SUFU: variants seen among roughly 807,000 people sequenced by gnomAD.
SUFU encodes the protein SUFU negative regulator of hedgehog signaling.
Under a neutral mutation model 58.9 loss-of-function variants are expected in SUFU, and 7 were observed. That is an observed-to-expected ratio of 0.12 (90% CI 0.07 to 0.22). The LOEUF (loss-of-function observed/expected upper bound fraction) is 0.22, where lower values mean the gene tolerates loss of function less well. Among genes scored for constraint, SUFU ranks in the 10% least tolerant of loss-of-function variants. SUFU has a pLI of 1.00. For synonymous variants in SUFU, 232 were observed against 254.8 expected, an observed-to-expected ratio of 0.91 and a Z score of 0.85; for missense variants, 451 against 641.3, an observed-to-expected ratio of 0.70 and a Z score of 3.20.
Position 102,509,098 on chromosome 10 carries a change from T to C in SUFU, c.183-71T>C. ...GGATGGGTCCTTTAGGTTTACAAAG[T>C]AGAGCGCCTTAGCTTGACATTGTCT... is the stretch of plus-strand genomic sequence containing the variant. On this transcript the variant is annotated intron_variant, in intron 1 of 11. Coordinates refer to ENST00000369902, the MANE Select transcript of SUFU (RefSeq NM_016169.4). 4 of 1,605,474 alleles carry C rather than the reference T, an allele frequency of 2.5e-6. No individual in the cohort carries two copies. In the South Asian group the frequency reaches 4.4e-5, roughly 18 times the overall value.
At chr10:102,575,028 C>G (rs1469187354) in intron 3 of SUFU, among the ~76,000 whole-genome samples, 2 of 151,776 alleles carry the variant, frequency 1.3e-5, no homozygotes, top group African/African-American at 4.8e-5. Flanking sequence ...TGCACTCCAG[C>G]CTGGGTGACA....
At chr10:102,592,902 A>T (rs975005497) in intron 4 of SUFU, among the ~76,000 whole-genome samples, 178 bp downstream of exon 4, 3 of 152,116 alleles carry the variant, frequency 2.0e-5, no homozygotes, top group Non-Finnish European at 4.4e-5. Context: ...ACCTGCTGAG[A>T]TGGGAGAGGG....
At chr10:102,517,212 C>T (rs1017359487) in intron 2 of SUFU, among the ~76,000 whole-genome samples, 30 of 151,974 alleles carry the variant, frequency 2.0e-4, no homozygotes, top group Non-Finnish European at 2.1e-4. Flanking sequence ...CGCTTGGACT[C>T]GGGGGCCAGA....
At chr10:102,512,944 C>G (rs1037985780) in intron 2 of SUFU, among the ~76,000 whole-genome samples, 2 of 151,864 alleles carry the variant, frequency 1.3e-5, no homozygotes, top group Non-Finnish European at 2.9e-5. Flanking sequence ...TGGTGTGCAT[C>G]GTAGCCCTAG....
chr10:102,535,470 G>A (rs756372369), intron 2 of SUFU, among the ~76,000 whole-genome samples: 3 of 147,044 alleles, frequency 2.0e-5, no homozygotes, highest in Non-Finnish European at 4.5e-5. Context: ...TGGTGACAGC[G>A]TGAGACTCCG....
chr10:102,565,085 C>T (rs1215671801), intron 3 of SUFU, among the ~76,000 whole-genome samples: 1 of 152,158 alleles, frequency 6.6e-6, no homozygotes, highest in African/African-American at 2.4e-5. Context: ...TCCTGATAAT[C>T]ACCTGTTTTT....
In SUFU at chr10:102,568,874, C is replaced by CAAA. The variant is rs59877393; in HGVS notation, c.454+18790_454+18792dup. Among the ~76,000 whole-genome samples the CAAA allele has an allele frequency of 1.1e-3, 16 of 14,534 alleles. 1 individual carries two copies. The highest frequency in any genetic ancestry group is 1.4e-3 in the African/African-American group (4 of 2,906). The allele number at this position is 14,534 out of a possible 152,430, so 9.5% of individuals were successfully genotyped here. A position where few individuals can be genotyped will look rare whatever the true frequency, so the allele number is the denominator to read the frequency against. ...GGGCGACAAGAGCAAAACTCTGTCTCAAAAAAAAAAAAAAAAAAAAAAAAT... is the reference window on the plus strand; with the variant it reads ...GGGCGACAAGAGCAAAACTCTGTCTCAAAAAAAAAAAAAAAAAAAAAAAAAAAT... On this transcript the variant is annotated intron_variant, in intron 3 of 11. Transcript: ENST00000369902.
intron 8 of SUFU, among the ~76,000 whole-genome samples, chr10:102,607,919 A>G (rs1201200968): frequency 6.6e-6 from 1 of 151,460 alleles, no homozygotes; most frequent in Non-Finnish European, 1.5e-5. Flanking sequence ...TCAAACAAAA[A>G]AAAAAAGAAA....
chr10:102,558,143 C>T (rs1162455199), intron 3 of SUFU, among the ~76,000 whole-genome samples: 3 of 152,178 alleles, frequency 2.0e-5, no homozygotes, highest in Non-Finnish European at 2.9e-5. Context: ...TTCAGGTGAT[C>T]CACCCGCCAT....
chr10:102,581,230 C>CATGG (rs2063276620), intron 3 of SUFU, among the ~76,000 whole-genome samples: 1 of 140,144 alleles, frequency 7.1e-6, no homozygotes, highest in Non-Finnish European at 1.5e-5. Context: ...AGAAATTAGG[C>CATGG]ATGGGTTTTA....
intron 10 of SUFU, among the ~76,000 whole-genome samples, chr10:102,626,703 A>G (rs552398298): frequency 6.6e-6 from 1 of 152,318 alleles, no homozygotes; most frequent in South Asian, 2.1e-4. Context: ...GCACTTCCAG[A>G]TTCCAGATAG....
chr10:102,554,095 AAAAAACAAAAAC>A (rs752497151), intron 3 of SUFU, among the ~76,000 whole-genome samples: 1 of 151,928 alleles, frequency 6.6e-6, no homozygotes, highest in African/African-American at 2.4e-5. Flanking sequence ...ACCCTGTCTC[AAAAAACAAAAAC>A]AAAAACAAAA....
intron 2 of SUFU, among the ~76,000 whole-genome samples, chr10:102,528,320 A>C (rs927704687): frequency 1.3e-5 from 2 of 152,134 alleles, no homozygotes; most frequent in Admixed American, 6.5e-5. Context: ...CTGTAATCCT[A>C]ACACTTTGGG....
At chr10:102,575,065 A>AC (rs35326877) in intron 3 of SUFU, among the ~76,000 whole-genome samples, 14 of 151,928 alleles carry the variant, frequency 9.2e-5, no homozygotes, top group East Asian at 5.8e-4. Context: ...CAAAAAAAAA[A>AC]AAAAATTAGG....
intron 3 of SUFU, among the ~76,000 whole-genome samples, chr10:102,587,645 C>T (rs1461025528): frequency 6.6e-6 from 1 of 152,116 alleles, no homozygotes; most frequent in Non-Finnish European, 1.5e-5. Flanking sequence ...GTGCCCACCA[C>T]TACGCCCGGC....
At position 102,516,649 on chromosome 10, in the gene SUFU, G is replaced by T. The variant is rs533757069; in HGVS notation, c.317+7346G>T. Among the ~76,000 whole-genome samples the T allele has an allele frequency of 3.3e-5, 5 of 152,086 alleles. No individual in the cohort carries two copies. In the South Asian group the frequency reaches 1.0e-3, roughly 32 times the overall value. On this transcript the variant is annotated intron_variant, in intron 2 of 11. Transcript: ENST00000369902. ...TGCAACCTCCACCTCCCGGGTTCAA[G>T]CGATTGTCCTGCTTCAGCCTCCCAA...
chr10:102,594,740 C>T (rs559282303), intron 6 of SUFU, among the ~76,000 whole-genome samples: 2 of 152,190 alleles, frequency 1.3e-5, no homozygotes, highest in South Asian at 2.1e-4. Flanking sequence ...TTTTTTGAGA[C>T]GGAGTTTCGC....
At chr10:102,580,655 G>C (rs920205039) in intron 3 of SUFU, among the ~76,000 whole-genome samples, 5 of 152,136 alleles carry the variant, frequency 3.3e-5, no homozygotes, top group Non-Finnish European at 7.4e-5. Context: ...GGTACTGTTA[G>C]GTTGAGGGAG....
At chr10:102,543,632 C>T (rs528122497) in intron 2 of SUFU, among the ~76,000 whole-genome samples, 1 of 152,100 alleles carries the variant, frequency 6.6e-6, no homozygotes, top group African/African-American at 2.4e-5. Context: ...TCCACTTTCC[C>T]CATAGATTTG....
Sources: allele counts gnomAD v4.1 joint callset (sites outside exome capture counted in the v4.1 genomes callset), GRCh38; gene constraint gnomAD v4.1.1; transcripts MANE v1.5; gene names NCBI Gene and HGNC (gene_info 2026-07-23, HGNC 2026-07-21).